The following PCDH9 variants were observed in gnomAD, a reference collection of about 807,000 sequenced individuals.
PCDH9 encodes the protein protocadherin-9.
In PCDH9, 24 loss-of-function variants were observed where a neutral mutation model predicts 70.6. The ratio of observed to expected loss-of-function variants is 0.34; its 90% confidence interval spans 0.25 to 0.48. The LOEUF (loss-of-function observed/expected upper bound fraction) is 0.48. Among genes scored for constraint, PCDH9 ranks in the 20% least tolerant of loss-of-function variants. The pLI is 0.99. For missense variants in PCDH9, 1,281 were observed against 1,503.6 expected (o/e 0.85, Z 2.45); for synonymous variants, 562 against 558.5 (o/e 1.01, Z -0.09).
At chr13:66,797,884 C>T (rs1229204693) in intron 3 of PCDH9, among the ~76,000 whole-genome samples, 5 of 151,906 alleles carry the variant, frequency 3.3e-5, no homozygotes, top group African/African-American at 1.2e-4. Context: ...CCAATCTTAT[C>T]TGACTAAAAC....
chr13:66,825,472 G>C (rs1015136740), intron 3 of PCDH9, among the ~76,000 whole-genome samples: 6 of 149,606 alleles, frequency 4.0e-5, no homozygotes, highest in African/African-American at 1.5e-4. Context: ...GTGTAGCTGG[G>C]ACTACAGGCG....
chr13:67,036,740 G>T (rs559617609), intron 2 of PCDH9, among the ~76,000 whole-genome samples: 55 of 152,146 alleles, frequency 3.6e-4, no homozygotes, highest in African/African-American at 1.3e-3. Context: ...CAGACAGCAG[G>T]GTTTATATGA....
intron 4 of PCDH9, among the ~76,000 whole-genome samples, chr13:66,482,679 T>C (rs1257917362): frequency 6.6e-6 from 1 of 152,202 alleles, no homozygotes; most frequent in African/African-American, 2.4e-5. Flanking sequence ...AAAAAGTAGC[T>C]CTTCCATCAG....
chr13:66,332,284 G>C (rs1955957427), intron 4 of PCDH9, among the ~76,000 whole-genome samples: 2 of 152,144 alleles, frequency 1.3e-5, no homozygotes, highest in African/African-American at 4.8e-5. Context: ...TAAGGTGTAT[G>C]CCAGAGAGCA....
intron 4 of PCDH9, among the ~76,000 whole-genome samples, chr13:66,396,571 T>TATGAAATAGATAG (rs1957104470): frequency 7.4e-6 from 1 of 135,434 alleles, no homozygotes; most frequent in Non-Finnish European, 1.7e-5. Flanking sequence ...TAAATGAATA[T>TATGAAATAGATAG]ACGAAATAGA....
At chr13:67,093,990 C>T (rs1402545578) in intron 2 of PCDH9, among the ~76,000 whole-genome samples, 6 of 152,126 alleles carry the variant, frequency 3.9e-5, no homozygotes, top group Admixed American at 3.9e-4. Context: ...TTCTACTCTT[C>T]TTTTCCATGT....
At chr13:66,427,748 C>A (rs1179858822) in intron 4 of PCDH9, among the ~76,000 whole-genome samples, 2 of 151,620 alleles carry the variant, frequency 1.3e-5, no homozygotes, top group South Asian at 2.1e-4. Context: ...TCAAGTATTG[C>A]ATCAATTTGA....
intron 3 of PCDH9, among the ~76,000 whole-genome samples, chr13:66,799,764 A>T (rs2080298082): frequency 6.6e-6 from 1 of 152,228 alleles, no homozygotes; most frequent in South Asian, 2.1e-4. Context: ...GGCAATTTAC[A>T]ATGTCAGAAA....
intron 2 of PCDH9, among the ~76,000 whole-genome samples, chr13:66,956,017 G>A (rs949962393): frequency 6.6e-6 from 1 of 151,984 alleles, no homozygotes; most frequent in Admixed American, 6.6e-5. Flanking sequence ...CAGGAGAATC[G>A]CTTGAACACA....
intron 2 of PCDH9, among the ~76,000 whole-genome samples, chr13:67,066,834 T>C (rs1047585700): frequency 2.6e-5 from 4 of 152,204 alleles, no homozygotes; most frequent in African/African-American, 9.6e-5. Flanking sequence ...AATTCCAGTA[T>C]GTCCAATTTG....
chr13:66,473,916 C>T (rs1019867177), intron 4 of PCDH9, among the ~76,000 whole-genome samples: 12 of 152,090 alleles, frequency 7.9e-5, no homozygotes, highest in African/African-American at 2.4e-4. Flanking sequence ...CTGCCTTGAA[C>T]GGTTGTCTTA....
chr13:66,767,844 G>A (rs1039492379), intron 3 of PCDH9, among the ~76,000 whole-genome samples: 9 of 151,996 alleles, frequency 5.9e-5, no homozygotes, highest in Admixed American at 5.9e-4. Context: ...AACATTTATT[G>A]AAACCATGTA....
intron 2 of PCDH9, among the ~76,000 whole-genome samples, chr13:67,005,253 G>C (rs79840471): frequency 6.7e-6 from 1 of 148,970 alleles, no homozygotes; most frequent in Non-Finnish European, 1.5e-5. Context: ...AAAAAAAAAA[G>C]TTGTAGGAAG....
At chr13:66,867,470 A>G (rs573890230) in intron 3 of PCDH9, among the ~76,000 whole-genome samples, 1 of 152,264 alleles carries the variant, frequency 6.6e-6, no homozygotes, top group East Asian at 1.9e-4. Context: ...AAAGGACATA[A>G]TTTAATATTT....
intron 3 of PCDH9, among the ~76,000 whole-genome samples, chr13:66,849,515 T>TAGAGAGAGAGAGAGAG (rs1315844570): frequency 2.2e-4 from 16 of 72,514 alleles, no homozygotes; most frequent in African/African-American, 1.1e-3. Context: ...TATATATATA[T>TAGAGAGAGAGAGAGAG]ATAGAGAGAG....
intron 4 of PCDH9, among the ~76,000 whole-genome samples, chr13:66,477,010 G>C (rs1594040546): frequency 6.6e-6 from 1 of 151,988 alleles, no homozygotes; most frequent in South Asian, 2.1e-4. Flanking sequence ...GAGTTATAGA[G>C]TGACTAATCC....
At chr13:66,444,961 G>T (rs1413870337) in intron 4 of PCDH9, among the ~76,000 whole-genome samples, 1 of 151,190 alleles carries the variant, frequency 6.6e-6, no homozygotes, top group Non-Finnish European at 1.5e-5. Flanking sequence ...CAACAAATTT[G>T]GTTCCTAGAC....
intron 4 of PCDH9, among the ~76,000 whole-genome samples, chr13:66,436,452 A>C (rs1957869007): frequency 6.6e-6 from 1 of 152,174 alleles, no homozygotes; most frequent in Admixed American, 6.5e-5. Context: ...GAAGCACCAA[A>C]TGGACGGATC....
intron 4 of PCDH9, among the ~76,000 whole-genome samples, chr13:66,515,566 T>A (rs547816894): frequency 3.5e-4 from 53 of 152,146 alleles, no homozygotes; most frequent in African/African-American, 1.2e-3. Context: ...GTAATGCTTT[T>A]ATTTGGCATA....
Sources: allele counts gnomAD v4.1 joint callset (sites outside exome capture counted in the v4.1 genomes callset), GRCh38; gene constraint gnomAD v4.1.1; transcripts MANE v1.5; gene names NCBI Gene and HGNC (gene_info 2026-07-23, HGNC 2026-07-21).